The following EML3 variants were observed in gnomAD, a reference collection of about 807,000 sequenced individuals.
EML3 encodes the protein EMAP like 3.
Under a neutral mutation model 106.7 loss-of-function variants are expected in EML3, and 53 were observed. That is an observed-to-expected ratio of 0.50 (90% CI 0.40 to 0.62). The LOEUF is 0.62. Ranked by LOEUF, EML3 falls within the 20% of genes least tolerant of loss-of-function variation. EML3 has a pLI of 0.00. For synonymous variants in EML3, 499 were observed against 489.6 expected (o/e 1.02, Z -0.25); for missense variants, 994 against 1,209.1 (o/e 0.82, Z 2.64).
At position 62,611,113 on chromosome 11, in the gene EML3, G is replaced by T; in HGVS notation, c.426C>A (p.Pro142=). 6.3e-7 allele frequency: 1 copy of T among 1,597,464 alleles called. No homozygotes were observed. The part of the protein sequence containing the change: ...GSPGPPGILR[P]LQPPQRADTP... The stretch of plus-strand genomic sequence containing the variant: ...TGTCAGCACGCTGTGGGGGCTGCAA[G>T]GGCCTGAGGATCCCCGGGGGGCCAG... Residue 142 remains proline (P), a synonymous_variant, in exon 3 of 22, where the codon CCC becomes CCA. Transcript: ENST00000394773.
At chr11:62,611,029 G>C in intron 3 of EML3, 37 bp from the exon 4 acceptor site, 1 of 1,608,714 alleles carries the variant, frequency 6.2e-7, no homozygotes, top group Non-Finnish European at 8.5e-7. Flanking sequence ...CCCTCCAACT[G>C]TACTCTGCAA....
Position 62,612,480 on chromosome 11 carries a change from C to T in EML3, c.-23G>A. The stretch of plus-strand genomic sequence containing the variant: ...CATCCGGCCCCCGGGTTGCTCCGAG[C>T]GGCGGCGGCGGAGGAGGCGTCTAAG... On this transcript the variant is annotated 5_prime_UTR_variant, in exon 1 of 22. Coordinates refer to ENST00000394773, the MANE Select transcript of EML3 (RefSeq NM_153265.3). 2 of 1,404,664 alleles carry T rather than the reference C, an allele frequency of 1.4e-6. No homozygotes were observed. The highest frequency in any genetic ancestry group is 3.1e-5 in the Admixed American group (1 of 32,112). 87.0% of individuals were successfully genotyped at this position (1,404,664 alleles called of 1,614,324 possible). A position where few individuals can be genotyped will look rare whatever the true frequency, so the allele number is the denominator to read the frequency against.
In EML3 at chr11:62,609,103, G is replaced by C. The variant is rs969118021; in HGVS notation, c.788C>G (p.Ser263Cys). Residue 263 changes from serine (S) to cysteine (C), a missense_variant, in exon 7 of 22, where the codon TCT becomes TGT. Physicochemically the swap from Ser to Cys is moderately radical, Grantham distance 112 (BLOSUM62 -1). Around this residue, in one of 3 missense-constraint regions of EML3, gnomAD observed 713 missense variants for 920.5 expected, o/e 0.77. Coordinates refer to ENST00000394773, the MANE Select transcript of EML3 (RefSeq NM_153265.3). ...VYGYRGRDSR[S>C]NLFVLRSGEV... ...CCCAGAGCGCAACACAAACAGATTA[G>C]AGCGGGAGTCACGACCCCTGTACCC... 6 of 1,613,954 alleles carry C rather than the reference G, an allele frequency of 3.7e-6. No individual in the cohort carries two copies. The African/African-American group carries it at 6.7e-5, about 18-fold the overall frequency.
Position 62,611,332 on chromosome 11 carries a change from G to C in EML3, c.207C>G (p.Pro69=). Reference sequence around the variant, plus strand: ...GGGTGCACGTGGGTGGCAGTCCTGGGGGGGCTGCAAGACTGCTGGAGAGAT... The same window carrying C: ...GGGTGCACGTGGGTGGCAGTCCTGGCGGGGCTGCAAGACTGCTGGAGAGAT... The part of the protein sequence containing the change: ...PAPPGDSLAA[P]PGLPPTCTPS... The change falls in exon 3 of 22, where the codon CCC becomes CCG. Residue 69 remains proline (P), a synonymous_variant. Coordinates refer to ENST00000394773, the MANE Select transcript of EML3 (RefSeq NM_153265.3). 6.2e-7 allele frequency: 1 copy of C among 1,612,988 alleles called. No individual in the cohort carries two copies. Among genetic ancestry groups the C allele is most frequent in the Non-Finnish European group, 8.5e-7 (1 of 1,179,774 alleles).
chr11:62,604,198 C>G lies in EML3; in HGVS notation c.1986G>C (p.Trp662Cys). 2 of 1,613,786 alleles carry G rather than the reference C, an allele frequency of 1.2e-6. No individual in the cohort carries two copies. The highest frequency in any genetic ancestry group is 1.7e-6 in the Non-Finnish European group (2 of 1,179,948). The change falls in exon 17 of 22, where the codon TGG (tryptophan) becomes TGC (cysteine). Residue 662 changes from tryptophan to cysteine, a missense_variant. Trp to Cys is a radical substitution (Grantham distance 215). Around this residue, in one of 3 missense-constraint regions of EML3, gnomAD observed 713 missense variants for 920.5 expected, o/e 0.77. Coordinates refer to ENST00000394773, the MANE Select transcript of EML3 (RefSeq NM_153265.3). ...VVAVGLNTGRWLVLDTETREI... is the reference protein window; with the variant it reads ...VVAVGLNTGRCLVLDTETREI... The stretch of plus-strand genomic sequence containing the variant: ...CTCTGGTCTCTGTGTCCAAAACCAA[C>G]CACCTGGAAGGGAGGGAAGTGGAGG...
chr11:62,612,390 G>T, intron 1 of EML3, 46 bp downstream of exon 1: 1 of 1,495,226 alleles, frequency 6.7e-7, no homozygotes, highest in Non-Finnish European at 8.9e-7. Flanking sequence ...CCGACGAGCC[G>T]GGCGCTCCGG....
At chr11:62,607,278 C>A in intron 11 of EML3, 179 bp from the exon 12 acceptor site, 1 of 633,256 alleles carries the variant, frequency 1.6e-6, no homozygotes, top group Non-Finnish European at 2.6e-6. Context: ...TGAAATCCCG[C>A]ACTGCACTCC....
intron 16 of EML3, chr11:62,604,683 G>A (rs1000334388): frequency 1.5e-5 from 3 of 200,912 alleles, no homozygotes; most frequent in Admixed American, 5.3e-5. Flanking sequence ...GGCCACCACT[G>A]CATTCTTATG....
Position 62,602,399 on chromosome 11 carries a change from G to C in EML3, c.*76C>G. On this transcript the variant is annotated 3_prime_UTR_variant, in exon 22 of 22. Coordinates refer to ENST00000394773, the MANE Select transcript of EML3 (RefSeq NM_153265.3). Reference sequence around the variant, plus strand: ...TCCAGGAAAGAGTCGGCCCCTAGTCGTGGGGGATTGGGCCAGGGAAGGGCA... The same window carrying C: ...TCCAGGAAAGAGTCGGCCCCTAGTCCTGGGGGATTGGGCCAGGGAAGGGCA... The C allele has an allele frequency of 1.3e-6, 2 of 1,551,022 alleles. No homozygotes were observed. Among genetic ancestry groups the C allele is most frequent in the Non-Finnish European group, 1.7e-6 (2 of 1,146,768 alleles).
At position 62,605,235 on chromosome 11, in the gene EML3, G is replaced by A; in HGVS notation, c.1915-55C>T. 6.4e-7 allele frequency: 1 copy of A among 1,573,510 alleles called. No individual in the cohort carries two copies. The highest frequency in any genetic ancestry group is 1.4e-5 in the African/African-American group (1 of 74,002). ...TGATGTCTTTCTAGTGAGGGAACCA[G>A]AGTGAACCCCTTGTCCTCCTAACTT... On this transcript the variant is annotated intron_variant, in intron 15 of 21. Transcript: ENST00000394773. This position sits in a 1 kb window ranked among gnomAD's most constrained non-coding sequence, Gnocchi z 5.2.
chr11:62,602,854 T>C lies in EML3; in HGVS notation c.2392A>G (p.Asn798Asp). The change falls in exon 21 of 22, where the codon AAC becomes GAC. Residue 798 changes from asparagine (N) to aspartate (D), a missense_variant. By Grantham distance (23) the Asn-to-Asp change is conservative (BLOSUM62 1). Transcript: ENST00000394773. The stretch of plus-strand genomic sequence containing the variant: ...TCGTTGTGGGAGCGGCACAGGGAGT[T>C]GATGTCGGTCCCATCGGAGCCGTCC... ...WPDGSDGTDI[N>D]SLCRSHNERV... The C allele has an allele frequency of 6.2e-7, 1 of 1,600,972 alleles. No individual in the cohort carries two copies. Among genetic ancestry groups the C allele is most frequent in the East Asian group, 2.2e-5 (1 of 44,492 alleles).
chr11:62,603,312 A>G, intron 19 of EML3, 65 bp from the exon 20 acceptor site: 1 of 1,485,008 alleles, frequency 6.7e-7, no homozygotes, highest in Non-Finnish European at 9.3e-7. Context: ...ATGCCAGGGA[A>G]AGCCAGACTG....
chr11:62,611,963 G>A (rs1942854206), intron 1 of EML3: 1 of 367,370 alleles, frequency 2.7e-6, no homozygotes, highest in Admixed American at 4.5e-5. Flanking sequence ...CCCCCAGCAA[G>A]CTCAGGTCTC....
chr11:62,606,981 G>A lies in EML3; in HGVS notation c.1481C>T (p.Thr494Ile), dbSNP rs1942555339. Residue 494 changes from threonine (T) to isoleucine (I), a missense_variant, in exon 12 of 22, where the codon ACC (threonine) becomes ATC (isoleucine). Coordinates refer to ENST00000394773, the MANE Select transcript of EML3 (RefSeq NM_153265.3). Reference protein sequence around the residue: ...TWGRSPSDSKTPGRGGAKETY... With the variant: ...TWGRSPSDSKIPGRGGAKETY... ...ACCTTTGGCGCCACCCCTGCCTGGG[G>A]TCTTGGAATCTGAAGGGCTCCGCCC... 1 of 1,613,990 alleles carries A rather than the reference G, an allele frequency of 6.2e-7. No homozygotes were observed. The highest frequency in any genetic ancestry group is 8.5e-7 in the Non-Finnish European group (1 of 1,179,980).
At position 62,609,671 on chromosome 11, in the gene EML3, T is replaced by A. The variant is rs1054727073; in HGVS notation, c.592A>T (p.Ser198Cys). The stretch of plus-strand genomic sequence containing the variant: ...CTCCGAGATCCAGGGCCCCCAGGGC[T>A]GGAGAGGGGGTCTTTTCCCCCACGG... ...ESRGGKDPLS[S>C]PGGPGSRRSN... Residue 198 changes from serine (S) to cysteine (C), a missense_variant, in exon 5 of 22, where the codon AGC becomes TGC. Ser to Cys is a moderately radical substitution (Grantham distance 112, BLOSUM62 -1). This residue lies in a region of EML3 where 269 missense variants were observed against 265.1 expected (regional missense o/e 1.01). Coordinates refer to ENST00000394773, the MANE Select transcript of EML3 (RefSeq NM_153265.3). 2.5e-6 allele frequency: 4 copies of A among 1,606,148 alleles called. No individual in the cohort carries two copies. The highest frequency in any genetic ancestry group is 3.4e-6 in the Non-Finnish European group (4 of 1,176,518).
At position 62,607,029 on chromosome 11, in the gene EML3, G is replaced by A; in HGVS notation, c.1433C>T (p.Ser478Leu). Reference sequence around the variant, plus strand: ...CCCCCAGGTGAGAATGTTCCCCTCTGAGTCTCCAGTGAGAATGTCTCCATC... The same window carrying A: ...CCCCCAGGTGAGAATGTTCCCCTCTAAGTCTCCAGTGAGAATGTCTCCATC... ...LPDGDILTGD[S>L]EGNILTWGRS... Residue 478 changes from serine to leucine, a missense_variant, in exon 12 of 22, where the codon TCA (serine) becomes TTA (leucine). Physicochemically the swap from Ser to Leu is moderately radical, Grantham distance 145 (BLOSUM62 -2). Coordinates refer to ENST00000394773, the MANE Select transcript of EML3 (RefSeq NM_153265.3). The A allele has an allele frequency of 6.2e-7, 1 of 1,614,172 alleles. No homozygotes were observed. Among genetic ancestry groups the A allele is most frequent in the Non-Finnish European group, 8.5e-7 (1 of 1,180,006 alleles).
rs1318807986 is a variant in EML3 at position 62,611,553 on chromosome 11, C to T, written c.66G>A (p.Arg22=). ...AREALQSLSQ[R]LRVQEQEMEL... ...CCATCTCCTGCTCCTGCACCCGAAG[C>T]CGCTGGCTCAGAGACTGGAGGGCCT... Residue 22 remains arginine, a synonymous_variant, in exon 2 of 22, where the codon CGG becomes CGA. Coordinates refer to ENST00000394773, the MANE Select transcript of EML3 (RefSeq NM_153265.3). The T allele has an allele frequency of 6.2e-7, 1 of 1,613,786 alleles. No individual in the cohort carries two copies. Among genetic ancestry groups the T allele is most frequent in the Admixed American group, 1.7e-5 (1 of 60,016 alleles).
rs561296668 is a variant in EML3, at chr11:62,610,791, C to G, written c.566+88G>C. ...TTCCTGTTGGGCAATCAGGTCCCCC[C>G]ACCCCAACCAGGGATGTGAGGTGAG... On this transcript the variant is annotated intron_variant, in intron 4 of 21. Transcript: ENST00000394773. 1.0e-5 allele frequency: 12 copies of G among 1,193,666 alleles called. No individual in the cohort carries two copies. The Middle Eastern group carries it at 8.3e-4, about 83-fold the overall frequency. 73.9% of individuals were successfully genotyped at this position (1,193,666 alleles called of 1,614,324 possible).
intron 17 of EML3, 29 bp downstream of exon 17, chr11:62,604,084 T>A: frequency 6.2e-7 from 1 of 1,613,752 alleles, no homozygotes; most frequent in South Asian, 1.1e-5. Context: ...CAGGGACGCA[T>A]GTGAGTCCAG....
Sources: allele counts gnomAD v4.1 joint callset, GRCh38; gene constraint gnomAD v4.1.1; regional missense constraint gnomAD v4.1.1; non-coding constraint Gnocchi (gnomAD v3.1); transcripts MANE v1.5; gene names NCBI Gene and HGNC (gene_info 2026-07-23, HGNC 2026-07-21).